ADAM19: variants seen among roughly 807,000 people sequenced by gnomAD.
ADAM19 encodes ADAM metallopeptidase domain 19.
A neutral mutation model predicts 114.7 loss-of-function variants in ADAM19; 65 were observed. The ratio of observed to expected loss-of-function variants is 0.57; its 90% confidence interval spans 0.46 to 0.70. The LOEUF (loss-of-function observed/expected upper bound fraction) is 0.70. ADAM19 is among the 30% of genes least tolerant of loss of function. The probability of loss-of-function intolerance (pLI) is 0.00; values close to 1 mark genes in which losing one functional copy is unlikely to be tolerated. For missense variants in ADAM19, 1,063 were observed against 1,204.7 expected (o/e 0.88, Z 1.74); for synonymous variants, 466 against 460.5 (o/e 1.01, Z -0.15).
At chr5:157,498,574 C>T (rs1436624955) in intron 13 of ADAM19, among the ~76,000 whole-genome samples, 3 of 152,056 alleles carry the variant, frequency 2.0e-5, no homozygotes, top group African/African-American at 7.2e-5. Context: ...ACAGTTCCTG[C>T]CTAAAATGAT....
rs139166375 is a variant in ADAM19, at chr5:157,516,779, C to T, written c.666+2044G>A. Reference sequence around the variant, plus strand: ...CAGTTTTCTTCCACCAGTCCTCCCACTACGGGCAGTCAGGCAGGGCAGGCC... The same window carrying T: ...CAGTTTTCTTCCACCAGTCCTCCCATTACGGGCAGTCAGGCAGGGCAGGCC... On this transcript the variant is annotated intron_variant, in intron 7 of 22. Transcript: ENST00000257527. 2.9e-3 allele frequency among the ~76,000 whole-genome samples: 439 copies of T among 152,302 alleles called. 3 individuals carry two copies. The highest frequency in any genetic ancestry group is 9.8e-3 in the African/African-American group (409 of 41,546).
chr5:157,482,049 G>A (rs1325662477), intron 21 of ADAM19, 106 bp from the exon 22 acceptor site: 7 of 905,804 alleles, frequency 7.7e-6, no homozygotes, highest in African/African-American at 5.1e-5. Flanking sequence ...GTTATATACT[G>A]TATGGTCCCA....
rs1343590322 is a variant in ADAM19 at position 157,479,333 on chromosome 5, A to C, written c.*1616T>G. On this transcript the variant is annotated 3_prime_UTR_variant, in exon 23 of 23. Transcript: ENST00000257527. ...ACTATAAGGAGGCCCTGGGGTGGTGAATCAGAAGCTCAGCCTCAGCCTTGC... is the reference window on the plus strand; with the variant it reads ...ACTATAAGGAGGCCCTGGGGTGGTGCATCAGAAGCTCAGCCTCAGCCTTGC... 1.0e-6 allele frequency: 1 copy of C among 985,880 alleles called. No individual in the cohort carries two copies. The highest frequency in any genetic ancestry group is 1.1e-4 in the East Asian group (1 of 8,816). The allele number at this position is 985,880 out of a possible 1,614,324, so 61.1% of individuals were successfully genotyped here.
At chr5:157,570,230 A>G (rs557498680) in intron 2 of ADAM19, among the ~76,000 whole-genome samples, 1 of 152,326 alleles carries the variant, frequency 6.6e-6, no homozygotes, top group South Asian at 2.1e-4. Context: ...ACTGCACTCC[A>G]GCCTGTGCGA....
chr5:157,508,942 A>G (rs1285196503), intron 9 of ADAM19, among the ~76,000 whole-genome samples: 2 of 152,238 alleles, frequency 1.3e-5, no homozygotes, highest in African/African-American at 2.4e-5. Flanking sequence ...CATGTATTAG[A>G]ACAAAGCGCC....
At chr5:157,530,472 C>T (rs1301075833) in intron 5 of ADAM19, among the ~76,000 whole-genome samples, 1 of 152,224 alleles carries the variant, frequency 6.6e-6, no homozygotes, top group Non-Finnish European at 1.5e-5. Flanking sequence ...CCCGTGCCGC[C>T]CCCCATGGCA....
chr5:157,545,889 A>G (rs1337057074), intron 3 of ADAM19, among the ~76,000 whole-genome samples: 1 of 152,230 alleles, frequency 6.6e-6, no homozygotes, highest in Non-Finnish European at 1.5e-5. Flanking sequence ...TGGCATCAGG[A>G]GGCCAGAGTT....
chr5:157,495,584 C>T (rs1755334506), intron 14 of ADAM19, among the ~76,000 whole-genome samples: 1 of 152,118 alleles, frequency 6.6e-6, no homozygotes, highest in South Asian at 2.1e-4. Flanking sequence ...AGGTATAATT[C>T]TGTGTGTATC....
chr5:157,568,376 C>T (rs1757727506), intron 2 of ADAM19: 2 of 152,174 alleles, frequency 1.3e-5, no homozygotes, highest in African/African-American at 4.8e-5. Context: ...TTCCCTTTTT[C>T]TATGGGGCAT....
At chr5:157,538,816 T>C (rs1581339081) in intron 3 of ADAM19, among the ~76,000 whole-genome samples, 2 of 152,188 alleles carry the variant, frequency 1.3e-5, no homozygotes, top group South Asian at 2.1e-4. Context: ...AAGAGTCAAA[T>C]GGATGTTTCA....
At chr5:157,551,139 T>C (rs1757182545) in intron 3 of ADAM19, among the ~76,000 whole-genome samples, 1 of 152,146 alleles carries the variant, frequency 6.6e-6, no homozygotes, top group South Asian at 2.1e-4. Flanking sequence ...GCACAGTGGT[T>C]CATGCCTGTA....
chr5:157,503,399 G>A (rs376329173), intron 11 of ADAM19, among the ~76,000 whole-genome samples: 21 of 151,796 alleles, frequency 1.4e-4, no homozygotes, highest in African/African-American at 4.8e-4. Context: ...TGTAAATGAC[G>A]AGTTAATGGG....
At chr5:157,572,272 G>C in intron 1 of ADAM19, 1 of 456,290 alleles carries the variant, frequency 2.2e-6, no homozygotes. Context: ...ATTTTTACTA[G>C]AGACTGGGAG....
chr5:157,504,228 T>C (rs767502868), intron 11 of ADAM19, among the ~76,000 whole-genome samples: 28 of 152,174 alleles, frequency 1.8e-4, no homozygotes, highest in Non-Finnish European at 4.0e-4. Context: ...TGAAGCTGTA[T>C]CCTGCCTCAT....
At chr5:157,484,875 G>A (rs1283016712) in intron 21 of ADAM19, among the ~76,000 whole-genome samples, 1 of 152,228 alleles carries the variant, frequency 6.6e-6, no homozygotes, top group East Asian at 1.9e-4. Flanking sequence ...CCACTGAGGG[G>A]CTGGAGTTTG....
chr5:157,508,352 T>G (rs767251771), intron 9 of ADAM19, among the ~76,000 whole-genome samples: 1 of 152,252 alleles, frequency 6.6e-6, no homozygotes, highest in African/African-American at 2.4e-5. Flanking sequence ...CTCACGCCTA[T>G]AATCCCAGCA....
intron 3 of ADAM19, among the ~76,000 whole-genome samples, chr5:157,548,932 T>A (rs772797645): frequency 6.6e-6 from 1 of 152,114 alleles, no homozygotes; most frequent in Non-Finnish European, 1.5e-5. Context: ...TCCAAATGTA[T>A]ATCCATAAAT....
At chr5:157,513,355 T>G in intron 8 of ADAM19, 79 bp downstream of exon 8, 5 of 1,419,692 alleles carry the variant, frequency 3.5e-6, no homozygotes, top group Non-Finnish European at 5.0e-6. Flanking sequence ...GGGCAGCCAA[T>G]CCAGCAGAAG....
At chr5:157,545,047 A>G (rs772455296) in intron 3 of ADAM19, among the ~76,000 whole-genome samples, 2 of 152,200 alleles carry the variant, frequency 1.3e-5, no homozygotes, top group Non-Finnish European at 2.9e-5. Flanking sequence ...CAAACATAAA[A>G]CAGGTAGGTG....
Sources: gnomAD v4.1 joint callset for allele counts (sites outside exome capture counted in the v4.1 genomes callset) on GRCh38, gnomAD v4.1.1 for gene constraint, MANE v1.5 for transcripts, NCBI Gene and HGNC (gene_info 2026-07-23, HGNC 2026-07-21) for gene names.